Variants in C5AR2 observed in about 807,000 individuals in gnomAD.
C5AR2 encodes complement C5a receptor 2, also known as C5a anaphylatoxin chemotactic receptor 2.
For synonymous variants in C5AR2, 224 were observed against 216.5 expected, an observed-to-expected ratio of 1.03 and a Z score of -0.30; for missense variants, 458 against 467.5, an observed-to-expected ratio of 0.98 and a Z score of 0.19.
In C5AR2 at chr19:47,344,647, C is replaced by T. The variant is rs1324931027; in HGVS notation, c.*2834C>T. 5.3e-5 allele frequency: 8 copies of T among 152,184 alleles called. No homozygotes were observed. In the East Asian group the frequency reaches 1.5e-3, roughly 29 times the overall value. 9.4% of individuals were successfully genotyped at this position (152,184 alleles called of 1,614,324 possible). Reference sequence around the variant, plus strand: ...CTCAAATGTCACTTCCTCCAGGAAGCCCTCCCTGATTTATGCTCCTTCCAG... The same window carrying T: ...CTCAAATGTCACTTCCTCCAGGAAGTCCTCCCTGATTTATGCTCCTTCCAG... On this transcript the variant is annotated 3_prime_UTR_variant, in exon 2 of 2. Transcript: ENST00000595464.
At position 47,341,171 on chromosome 19, in the gene C5AR2, C is replaced by G. The variant is rs1211061725; in HGVS notation, c.372C>G (p.Leu124=). The change falls in exon 2 of 2, where the codon CTC becomes CTG. Residue 124 remains leucine, a synonymous_variant. Coordinates refer to ENST00000595464, the MANE Select transcript of C5AR2 (RefSeq NM_001271749.2). The surrounding 1 kb of genome is among the most constrained non-coding windows in gnomAD (Gnocchi z 4.6). The part of the protein sequence containing the change: ...ILLTMYASVL[L]LAALSADLCF... ...TGACCATGTATGCCAGCGTCCTGCT[C>G]CTGGCAGCTCTCAGTGCCGACCTCT... 6.2e-7 allele frequency: 1 copy of G among 1,600,992 alleles called. No individual in the cohort carries two copies. Among genetic ancestry groups the G allele is most frequent in the Non-Finnish European group, 8.5e-7 (1 of 1,179,900 alleles).
Position 47,341,294 on chromosome 19 carries a change from C to T in C5AR2, c.495C>T (p.Leu165=), listed in dbSNP as rs983669232. 3.1e-6 allele frequency: 5 copies of T among 1,607,896 alleles called. No homozygotes were observed. The highest frequency in any genetic ancestry group is 4.2e-6 in the Non-Finnish European group (5 of 1,179,874). ...CAGCCTGGACACTGGCCTTGCTGCT[C>T]ACCGTGCCCTCCGCCATCTACCGCC... The part of the protein sequence containing the change: ...CGAAWTLALL[L]TVPSAIYRRL... Residue 165 remains leucine (L), a synonymous_variant, in exon 2 of 2, where the codon CTC becomes CTT. Transcript: ENST00000595464. The surrounding 1 kb of genome is among the most constrained non-coding windows in gnomAD (Gnocchi z 4.6).
intron 1 of C5AR2, 57 bp from the exon 2 acceptor site, chr19:47,340,728 C>A (rs1006602705): frequency 3.9e-6 from 6 of 1,546,388 alleles, no homozygotes; most frequent in African/African-American, 2.7e-5. Context: ...CACCCTAGAT[C>A]TCCAGGGCCA....
chr19:47,341,607 C>G lies in C5AR2; in HGVS notation c.808C>G (p.Leu270Val), dbSNP rs760777650. The change falls in exon 2 of 2, where the codon CTG becomes GTG. Residue 270 changes from leucine to valine, a missense_variant. Coordinates refer to ENST00000595464, the MANE Select transcript of C5AR2 (RefSeq NM_001271749.2). This position sits in a 1 kb window ranked among gnomAD's most constrained non-coding sequence, Gnocchi z 4.6. ...APNSALLARA[L>V]RAEPLIVGLA... is the part of the protein sequence containing the mutation. ...GAACTCCGCACTCCTGGCCAGGGCC[C>G]TGCGGGCTGAACCCCTCATCGTGGG... The G allele has an allele frequency of 6.2e-7, 1 of 1,613,966 alleles. No homozygotes were observed. Among genetic ancestry groups the G allele is most frequent in the Non-Finnish European group, 8.5e-7 (1 of 1,179,966 alleles).
At chr19:47,336,992 T>C (rs1476117267) in intron 1 of C5AR2, 1 of 133,276 alleles carries the variant, frequency 7.5e-6, no homozygotes, top group African/African-American at 2.8e-5. Flanking sequence ...TGCTGAGCAG[T>C]GCCAGCCAAC....
chr19:47,333,738 C>A (rs1286219303), intron 1 of C5AR2, among the ~76,000 whole-genome samples: 1 of 151,956 alleles, frequency 6.6e-6, no homozygotes, highest in Non-Finnish European at 1.5e-5. Flanking sequence ...GCCACCGCGC[C>A]CAGCTAATTT....
At position 47,343,531 on chromosome 19, in the gene C5AR2, C is replaced by A. The variant is rs1969075770; in HGVS notation, c.*1718C>A. 6.6e-6 allele frequency: 1 copy of A among 152,186 alleles called. No individual in the cohort carries two copies. The highest frequency in any genetic ancestry group is 1.5e-5 in the Non-Finnish European group (1 of 68,086). 9.4% of individuals were successfully genotyped at this position (152,186 alleles called of 1,614,324 possible). A position where few individuals can be genotyped will look rare whatever the true frequency, so the allele number is the denominator to read the frequency against. ...TTCAAATTCGAATCAATTGGCCAGG[C>A]CTGGTGGCTCCTGCCTATAATCTCA... On this transcript the variant is annotated 3_prime_UTR_variant, in exon 2 of 2. Coordinates refer to ENST00000595464, the MANE Select transcript of C5AR2 (RefSeq NM_001271749.2).
At chr19:47,340,396 G>A (rs1157808944) in intron 1 of C5AR2, among the ~76,000 whole-genome samples, 1 of 150,486 alleles carries the variant, frequency 6.6e-6, no homozygotes, top group Non-Finnish European at 1.5e-5. Context: ...TCCCAGGCTG[G>A]AGTGCAGTGG....
intron 1 of C5AR2, among the ~76,000 whole-genome samples, chr19:47,336,377 A>G (rs10404859): frequency 0.98 from 148,409 of 151,582 alleles, 72,678 homozygotes; most frequent in East Asian, 1. Context: ...GGTGTGAGCC[A>G]CTGTGCCCGG....
At chr19:47,332,996 T>C (rs2059345112) in intron 1 of C5AR2, among the ~76,000 whole-genome samples, 2 of 151,960 alleles carry the variant, frequency 1.3e-5, no homozygotes, top group Admixed American at 6.6e-5. Context: ...TCTTTTCTCT[T>C]TCTTTCCTTT....
chr19:47,333,530 G>A (rs1345260322), intron 1 of C5AR2, among the ~76,000 whole-genome samples: 5 of 151,784 alleles, frequency 3.3e-5, no homozygotes, highest in African/African-American at 4.8e-5. Flanking sequence ...TTGCTGGGTC[G>A]TGAGGGAGGA....
At chr19:47,332,635 T>C (rs11083874) in intron 1 of C5AR2, among the ~76,000 whole-genome samples, 148,952 of 151,664 alleles carry the variant, frequency 0.98, 73,158 homozygotes, top group East Asian at 0.99. Flanking sequence ...GGTGCCATCT[T>C]GGCTCACCGC....
intron 1 of C5AR2, among the ~76,000 whole-genome samples, chr19:47,333,926 G>A (rs1398770063): frequency 6.6e-6 from 1 of 152,158 alleles, no homozygotes; most frequent in African/African-American, 2.4e-5. Flanking sequence ...AGAGAACCCA[G>A]CAAGACTGGA....
chr19:47,341,591 A>G lies in C5AR2; in HGVS notation c.792A>G (p.Ala264=). ...TCACTGTGGCGGCCCCGAACTCCGC[A>G]CTCCTGGCCAGGGCCCTGCGGGCTG... The part of the protein sequence containing the change: ...LVLTVAAPNS[A]LLARALRAEP... The change falls in exon 2 of 2, where the codon GCA becomes GCG. Residue 264 remains alanine, a synonymous_variant. Transcript: ENST00000595464. The surrounding 1 kb of genome is among the most constrained non-coding windows in gnomAD (Gnocchi z 4.6). The G allele has an allele frequency of 6.2e-7, 1 of 1,613,420 alleles. No homozygotes were observed. Among genetic ancestry groups the G allele is most frequent in the African/African-American group, 1.3e-5 (1 of 74,906 alleles).
chr19:47,332,567 T>C (rs953154666), intron 1 of C5AR2, among the ~76,000 whole-genome samples: 1 of 152,166 alleles, frequency 6.6e-6, no homozygotes, highest in Non-Finnish European at 1.5e-5. Context: ...TAAGCATTTT[T>C]TTTCTTTCTC....
chr19:47,339,037 T>C (rs1227625538), intron 1 of C5AR2, among the ~76,000 whole-genome samples: 2 of 150,344 alleles, frequency 1.3e-5, no homozygotes, highest in South Asian at 2.1e-4. Context: ...ACCTGTAATC[T>C]CAGCTACTTG....
At chr19:47,335,042 G>A (rs1160593926) in intron 1 of C5AR2, among the ~76,000 whole-genome samples, 3 of 116,780 alleles carry the variant, frequency 2.6e-5, no homozygotes, top group Non-Finnish European at 3.5e-5. Context: ...TCGCCCCCAC[G>A]CCCAGCTAAT....
In C5AR2 at chr19:47,344,861, C is replaced by T. The variant is rs190432071; in HGVS notation, c.*3048C>T. The stretch of plus-strand genomic sequence containing the variant: ...CGATCTCGGCTGACCGCAACCTCCA[C>T]CTCCCGGGTTCAAGCGATTCTTATG... On this transcript the variant is annotated 3_prime_UTR_variant, in exon 2 of 2. Transcript: ENST00000595464. The T allele has an allele frequency of 6.6e-6, 1 of 152,260 alleles. No homozygotes were observed. The highest frequency in any genetic ancestry group is 2.4e-5 in the African/African-American group (1 of 41,544). 9.4% of individuals were successfully genotyped at this position (152,260 alleles called of 1,614,324 possible).
intron 1 of C5AR2, among the ~76,000 whole-genome samples, chr19:47,340,273 C>G (rs1300299612): frequency 6.6e-6 from 1 of 151,778 alleles, no homozygotes; most frequent in East Asian, 1.9e-4. Flanking sequence ...TTCCAATGTA[C>G]TAGGGTTCTG....
Sources: allele counts gnomAD v4.1 joint callset (sites outside exome capture counted in the v4.1 genomes callset), GRCh38; gene constraint gnomAD v4.1.1; non-coding constraint Gnocchi (gnomAD v3.1); transcripts MANE v1.5; gene names NCBI Gene and HGNC (gene_info 2026-07-23, HGNC 2026-07-21).